The following SAMMSON variants were observed in gnomAD, a reference collection of about 807,000 sequenced individuals.
The protein encoded by SAMMSON is long intergenic non-protein coding RNA 1212.
chr3:70,283,645 T>G (rs1021763001), intron 6 of SAMMSON: 13 of 152,000 alleles, frequency 8.6e-5, no homozygotes, highest in African/African-American at 3.1e-4. Context: ...CATGCTGGGG[T>G]CAGGCTTTTG....
intron 4 of SAMMSON, among the ~76,000 whole-genome samples, chr3:70,189,348 A>G (rs540266660): frequency 2.4e-4 from 37 of 152,314 alleles, no homozygotes; most frequent in Non-Finnish European, 5.1e-4. Context: ...TTCAGGCATG[A>G]CCAATAATAT....
intron 6 of SAMMSON, among the ~76,000 whole-genome samples, chr3:70,290,630 TG>T (rs1559555467): frequency 6.6e-6 from 1 of 152,200 alleles, no homozygotes; most frequent in Non-Finnish European, 1.5e-5. Flanking sequence ...TCAGCAAGCC[TG>T]GGCAATGGCG....
At chr3:70,281,092 C>T (rs138177075) in intron 6 of SAMMSON, among the ~76,000 whole-genome samples, 5 of 152,152 alleles carry the variant, frequency 3.3e-5, no homozygotes, top group African/African-American at 1.2e-4. Context: ...GCCTTTTCTC[C>T]TGTTAATCAG....
chr3:70,276,726 T>C (rs1575613095), intron 6 of SAMMSON, among the ~76,000 whole-genome samples: 1 of 152,254 alleles, frequency 6.6e-6, no homozygotes, highest in Non-Finnish European at 1.5e-5. Flanking sequence ...CCATGCTCAT[T>C]AATTTATGTA....
chr3:70,328,744 G>GA (rs1294961321), intron 7 of SAMMSON, among the ~76,000 whole-genome samples: 5 of 152,100 alleles, frequency 3.3e-5, no homozygotes, highest in African/African-American at 1.2e-4. Flanking sequence ...AGGAGACAGG[G>GA]AAAAAATACA....
At chr3:70,424,222 C>A (rs1285722496) in intron 2 of SAMMSON, among the ~76,000 whole-genome samples, 1 of 152,074 alleles carries the variant, frequency 6.6e-6, no homozygotes, top group Non-Finnish European at 1.5e-5. Context: ...TTAAATACTT[C>A]TTGATTCATA....
intron 4 of SAMMSON, among the ~76,000 whole-genome samples, chr3:70,234,835 A>T (rs917836844): frequency 3.9e-5 from 6 of 152,198 alleles, no homozygotes; most frequent in Non-Finnish European, 8.8e-5. Flanking sequence ...AGATGTCATC[A>T]CATGGAATGC....
intron 4 of SAMMSON, among the ~76,000 whole-genome samples, chr3:70,157,952 T>C (rs1025066675): frequency 6.6e-6 from 1 of 152,100 alleles, no homozygotes; most frequent in Non-Finnish European, 1.5e-5. Flanking sequence ...TCACAGTTTT[T>C]GTGTCTTGGG....
intron 4 of SAMMSON, among the ~76,000 whole-genome samples, chr3:70,100,478 T>A (rs530041421): frequency 8.6e-5 from 13 of 150,424 alleles, no homozygotes; most frequent in Non-Finnish European, 1.8e-4. Flanking sequence ...GCAGCATTTT[T>A]ATCCAGTTTT....
At chr3:70,052,140 A>G (rs1169723294) in intron 3 of SAMMSON, among the ~76,000 whole-genome samples, 1 of 152,038 alleles carries the variant, frequency 6.6e-6, no homozygotes, top group Non-Finnish European at 1.5e-5. Context: ...AGAATTTAAA[A>G]TATATAACCT....
intron 6 of SAMMSON, among the ~76,000 whole-genome samples, chr3:70,287,864 C>A (rs1418077246): frequency 6.6e-6 from 1 of 151,946 alleles, no homozygotes. Flanking sequence ...TTGTAGTATT[C>A]TCTGATGGTA....
chr3:70,112,952 A>G (rs2106661860), intron 4 of SAMMSON, among the ~76,000 whole-genome samples: 1 of 152,288 alleles, frequency 6.6e-6, no homozygotes, highest in African/African-American at 2.4e-5. Context: ...TGGAGTATTG[A>G]GTGCTTTCTA....
intron 4 of SAMMSON, among the ~76,000 whole-genome samples, chr3:70,180,655 C>T (rs1701046015): frequency 6.6e-6 from 1 of 152,114 alleles, no homozygotes; most frequent in South Asian, 2.1e-4. Flanking sequence ...TATGCTATAC[C>T]TCACTGAACA....
At chr3:70,370,328 C>T (rs1314752405) in intron 9 of SAMMSON, among the ~76,000 whole-genome samples, 1 of 151,674 alleles carries the variant, frequency 6.6e-6, no homozygotes, top group Non-Finnish European at 1.5e-5. Flanking sequence ...GATGAATACC[C>T]GGTGGGATTG....
chr3:70,342,668 A>G (rs1181298763), intron 7 of SAMMSON, among the ~76,000 whole-genome samples: 1 of 152,212 alleles, frequency 6.6e-6, no homozygotes, highest in Admixed American at 6.5e-5. Flanking sequence ...TATGAGATAT[A>G]CACCCTTTAT....
At chr3:70,371,854 G>T (rs1448720290) in intron 9 of SAMMSON, among the ~76,000 whole-genome samples, 1 of 152,112 alleles carries the variant, frequency 6.6e-6, no homozygotes, top group Non-Finnish European at 1.5e-5. Context: ...TCTCTGGCTA[G>T]GACTTCCAGT....
At chr3:70,130,952 G>A (rs909763579) in intron 4 of SAMMSON, among the ~76,000 whole-genome samples, 1 of 152,068 alleles carries the variant, frequency 6.6e-6, no homozygotes, top group Non-Finnish European at 1.5e-5. Context: ...TATGCCACTA[G>A]GTTTTGGGAT....
chr3:70,211,186 TCTTTTC>T (rs887517856), intron 4 of SAMMSON, among the ~76,000 whole-genome samples: 16 of 151,890 alleles, frequency 1.1e-4, no homozygotes, highest in Non-Finnish European at 1.3e-4. Context: ...CCTTCTTTTT[TCTTTTC>T]CTTTTCCTTT....
At chr3:70,202,834 C>T (rs922954249) in intron 4 of SAMMSON, among the ~76,000 whole-genome samples, 4 of 152,064 alleles carry the variant, frequency 2.6e-5, no homozygotes, top group Non-Finnish European at 5.9e-5. Flanking sequence ...TGGGGACTGG[C>T]TAATTAGGAG....
Sources: gnomAD v4.1 joint callset for allele counts (sites outside exome capture counted in the v4.1 genomes callset) on GRCh38, gnomAD v4.1.1 for gene constraint, MANE v1.5 for transcripts, NCBI Gene and HGNC (gene_info 2026-07-23, HGNC 2026-07-21) for gene names.